INSYN2B: variants seen among roughly 807,000 people sequenced by gnomAD.
INSYN2B encodes inhibitory synaptic factor family member 2B.
A neutral mutation model predicts 41.2 loss-of-function variants in INSYN2B; 16 were observed. The ratio of observed to expected loss-of-function variants is 0.39; its 90% CI spans 0.26 to 0.59. The LOEUF is 0.59. Among genes scored for constraint, INSYN2B ranks in the 20% least tolerant of loss-of-function variants. The pLI, the probability that INSYN2B is intolerant of heterozygous loss-of-function variation, is 0.57. For synonymous variants in INSYN2B, 245 were observed against 244.4 expected, an observed-to-expected ratio of 1.00 and a Z score of -0.02; for missense variants, 608 against 646.4, an observed-to-expected ratio of 0.94 and a Z score of 0.64.
chr5:169,972,646 C>A (rs1487313117), intron 1 of INSYN2B, among the ~76,000 whole-genome samples: 1 of 150,274 alleles, frequency 6.7e-6, no homozygotes, highest in Non-Finnish European at 1.5e-5. Flanking sequence ...TGGATAAAAT[C>A]TCCCCTGTTA....
intron 1 of INSYN2B, among the ~76,000 whole-genome samples, chr5:169,928,000 ACT>A (rs1177268808): frequency 6.6e-6 from 1 of 152,276 alleles, no homozygotes; most frequent in East Asian, 1.9e-4. Flanking sequence ...GTGGGAATTA[ACT>A]CACAGATCCA....
intron 1 of INSYN2B, among the ~76,000 whole-genome samples, chr5:169,912,207 G>A (rs1774634866): frequency 6.6e-6 from 1 of 151,994 alleles, no homozygotes; most frequent in South Asian, 2.1e-4. Context: ...TTATAGGCCA[G>A]GCTTTTATTT....
Position 169,953,053 on chromosome 5 carries a change from G to T in INSYN2B, c.-919+27224C>A, listed in dbSNP as rs189787114. ...AAAAGAGAATTTGGGGCCAGGCACGGTGGCTCATACCTGTAATCCCAGCAC... is the reference window on the plus strand; with the variant it reads ...AAAAGAGAATTTGGGGCCAGGCACGTTGGCTCATACCTGTAATCCCAGCAC... On this transcript the variant is annotated intron_variant, in intron 1 of 3. Transcript: ENST00000377365. Among the ~76,000 whole-genome samples the T allele has an allele frequency of 3.0e-4, 45 of 152,332 alleles. No individual in the cohort carries two copies. In the East Asian group the frequency reaches 3.1e-3, roughly 10 times the overall value.
Position 169,934,990 on chromosome 5 carries a change from G to A in INSYN2B, c.-919+45287C>T, listed in dbSNP as rs182423806. 14 of 266,454 alleles carry A rather than the reference G, an allele frequency of 5.3e-5. No individual in the cohort carries two copies. The East Asian group carries it at 1.5e-3, about 29-fold the overall frequency. The allele number at this position is 266,454 out of a possible 1,614,324, so 16.5% of individuals were successfully genotyped here. On this transcript the variant is annotated intron_variant, in intron 1 of 3. Transcript: ENST00000377365. ...ATCAGCTAGAATGCAAACGTTAGCA[G>A]CCAACATACTGACTGCAGCCATCTA...
At chr5:169,957,727 A>G (rs1776925393) in intron 1 of INSYN2B, among the ~76,000 whole-genome samples, 1 of 152,122 alleles carries the variant, frequency 6.6e-6, no homozygotes, top group Admixed American at 6.5e-5. Flanking sequence ...TTGTGGGGTG[A>G]AGTCCTTTGA....
At chr5:169,873,696 T>C (rs2113468235) in intron 3 of INSYN2B, among the ~76,000 whole-genome samples, 1 of 152,332 alleles carries the variant, frequency 6.6e-6, no homozygotes, top group East Asian at 1.9e-4. Context: ...ACTGAGTGCA[T>C]ATTGCATTTC....
chr5:169,941,975 T>C lies in INSYN2B; in HGVS notation c.-919+38302A>G, dbSNP rs372882489. Among the ~76,000 whole-genome samples the C allele has an allele frequency of 1.1e-4, 16 of 152,354 alleles. No individual in the cohort carries two copies. The South Asian group carries it at 3.1e-3, about 30-fold the overall frequency. On this transcript the variant is annotated intron_variant, in intron 1 of 3. Transcript: ENST00000377365. Reference sequence around the variant, plus strand: ...ACACCATTCAGAAGTAAAACTGTATTATATCATTTCAGTTTCACATCTGTT... The same window carrying C: ...ACACCATTCAGAAGTAAAACTGTATCATATCATTTCAGTTTCACATCTGTT...
At chr5:169,876,241 T>G (rs988185899) in intron 3 of INSYN2B, among the ~76,000 whole-genome samples, 3 of 152,226 alleles carry the variant, frequency 2.0e-5, no homozygotes, top group Non-Finnish European at 4.4e-5. Flanking sequence ...GTCCTTCACT[T>G]CATTTCATCT....
At chr5:169,964,611 C>CA (rs1364330637) in intron 1 of INSYN2B, among the ~76,000 whole-genome samples, 1 of 152,210 alleles carries the variant, frequency 6.6e-6, no homozygotes, top group Non-Finnish European at 1.5e-5. Flanking sequence ...TTGAAGGGGC[C>CA]ATGGTCAAAG....
Position 169,933,288 on chromosome 5 carries a change from G to A in INSYN2B, c.-919+46989C>T, listed in dbSNP as rs370636499. 3.2e-4 allele frequency among the ~76,000 whole-genome samples: 48 copies of A among 152,326 alleles called. 1 individual carries two copies. The highest frequency in any genetic ancestry group is 2.1e-3 in the South Asian group (10 of 4,828). ...TTAGCCTGTAGGACAGTGGCTGTCA[G>A]CCCTGGCTGCACATTGCAATCTCCT... On this transcript the variant is annotated intron_variant, in intron 1 of 3. Coordinates refer to ENST00000377365, the MANE Select transcript of INSYN2B (RefSeq NM_001129891.3).
intron 3 of INSYN2B, among the ~76,000 whole-genome samples, chr5:169,878,177 C>T (rs893187068): frequency 6.6e-6 from 1 of 152,116 alleles, no homozygotes; most frequent in Non-Finnish European, 1.5e-5. Flanking sequence ...GAAGGAGGAG[C>T]AAGTGGCTTA....
At chr5:169,968,497 G>A (rs1777381237) in intron 1 of INSYN2B, among the ~76,000 whole-genome samples, 1 of 152,162 alleles carries the variant, frequency 6.6e-6, no homozygotes, top group Non-Finnish European at 1.5e-5. Flanking sequence ...ATTACAGGTG[G>A]AAGAAACATT....
chr5:169,978,490 CATGATG>C (rs915634026), intron 1 of INSYN2B, among the ~76,000 whole-genome samples: 2 of 149,738 alleles, frequency 1.3e-5, no homozygotes, highest in African/African-American at 2.5e-5. Context: ...TTGTCAATAT[CATGATG>C]ATGATGATGA....
chr5:169,950,336 A>G (rs1776608031), intron 1 of INSYN2B, among the ~76,000 whole-genome samples: 1 of 152,230 alleles, frequency 6.6e-6, no homozygotes, highest in Non-Finnish European at 1.5e-5. Flanking sequence ...GAGCATTGAT[A>G]TATGCAAAGC....
At chr5:169,909,963 T>A (rs1285497835) in intron 1 of INSYN2B, among the ~76,000 whole-genome samples, 1 of 152,210 alleles carries the variant, frequency 6.6e-6, no homozygotes, top group Non-Finnish European at 1.5e-5. Flanking sequence ...AAAATGCCAC[T>A]CAAATTCTGC....
intron 1 of INSYN2B, among the ~76,000 whole-genome samples, chr5:169,958,585 C>CTTTT (rs3079788): frequency 7.9e-5 from 12 of 151,088 alleles, no homozygotes; most frequent in African/African-American, 2.9e-4. Flanking sequence ...TCCTGGGTTT[C>CTTTT]TTTTTTTTTG....
At chr5:169,912,379 G>C (rs770232555) in intron 1 of INSYN2B, among the ~76,000 whole-genome samples, 3 of 152,102 alleles carry the variant, frequency 2.0e-5, no homozygotes, top group East Asian at 3.9e-4. Context: ...TCTTATCATT[G>C]TCTATTGGCT....
chr5:169,896,566 A>G (rs1773622763), intron 1 of INSYN2B, among the ~76,000 whole-genome samples: 1 of 152,270 alleles, frequency 6.6e-6, no homozygotes, highest in African/African-American at 2.4e-5. Context: ...TGACACACTC[A>G]TAAATCTTTC....
intron 1 of INSYN2B, among the ~76,000 whole-genome samples, chr5:169,913,742 T>C (rs1774727230): frequency 2.0e-5 from 3 of 152,056 alleles, no homozygotes; most frequent in Admixed American, 2.0e-4. Context: ...CCAAATTAGG[T>C]CTACAAAGTG....
Sources: allele counts gnomAD v4.1 joint callset (sites outside exome capture counted in the v4.1 genomes callset), GRCh38; gene constraint gnomAD v4.1.1; transcripts MANE v1.5; gene names NCBI Gene and HGNC (gene_info 2026-07-23, HGNC 2026-07-21).